Variants in SCD observed in about 807,000 individuals in gnomAD.
The protein encoded by SCD is acyl-CoA desaturase.
Under a neutral mutation model 35.7 loss-of-function variants are expected in SCD, and 4 were observed. The observed-to-expected ratio is 0.11, with a 90% CI of 0.06 to 0.26. SCD has a LOEUF of 0.26. SCD is among the 10% of genes least tolerant of loss of function. The pLI is 1.00. For synonymous variants in SCD, 150 were observed against 170.2 expected (o/e 0.88, Z 0.92); for missense variants, 282 against 460.7 (o/e 0.61, Z 3.55).
At chr10:100,357,660 C>T (rs1030082132) in intron 5 of SCD, among the ~76,000 whole-genome samples, 1 of 151,768 alleles carries the variant, frequency 6.6e-6, no homozygotes, top group Non-Finnish European at 1.5e-5. Flanking sequence ...CTTTTCTTTT[C>T]TTTTCCTTTC....
Position 100,360,747 on chromosome 10 carries a change from C to T in SCD, c.894C>T (p.His298=), listed in dbSNP as rs201498758. The part of the protein sequence containing the change: ...VSLGAVGEGF[H]NYHHSFPYDY... ...CTTTTGTTTCAGGTGAGGGCTTCCA[C>T]AACTACCACCACTCCTTTCCCTATG... The change falls in exon 6 of 6, where the codon CAC becomes CAT. Residue 298 remains histidine (H), a synonymous_variant. Coordinates refer to ENST00000370355, the MANE Select transcript of SCD (RefSeq NM_005063.5). 1.3e-5 allele frequency: 21 copies of T among 1,613,862 alleles called. No individual in the cohort carries two copies. The highest frequency in any genetic ancestry group is 1.7e-5 in the Non-Finnish European group (20 of 1,179,866).
intron 5 of SCD, among the ~76,000 whole-genome samples, chr10:100,358,517 G>A (rs1167552499): frequency 6.6e-6 from 1 of 150,508 alleles, no homozygotes; most frequent in Non-Finnish European, 1.5e-5. Flanking sequence ...GCGTGAACCC[G>A]GGAAGCGGAG....
rs1849990595 is a variant in SCD at position 100,361,591 on chromosome 10, A to G, written c.*658A>G. The G allele has an allele frequency of 6.6e-6, 1 of 152,370 alleles. No homozygotes were observed. Among genetic ancestry groups the G allele is most frequent in the African/African-American group, 2.4e-5 (1 of 41,454 alleles). 9.4% of individuals were successfully genotyped at this position (152,370 alleles called of 1,614,324 possible). ...TAATGAGGACTTCAAGCCCCACCACATAGCATGCTTCCTTTCTCTCCTGGC... is the reference window on the plus strand; with the variant it reads ...TAATGAGGACTTCAAGCCCCACCACGTAGCATGCTTCCTTTCTCTCCTGGC... On this transcript the variant is annotated 3_prime_UTR_variant, in exon 6 of 6. Transcript: ENST00000370355.
At chr10:100,351,251 C>T (rs1445407752) in intron 2 of SCD, among the ~76,000 whole-genome samples, 1 of 152,210 alleles carries the variant, frequency 6.6e-6, no homozygotes, top group East Asian at 1.9e-4. Flanking sequence ...TCTGGCACCT[C>T]CTGAGCCTGC....
chr10:100,358,991 G>C (rs985632599), intron 5 of SCD, among the ~76,000 whole-genome samples: 14 of 151,886 alleles, frequency 9.2e-5, no homozygotes, highest in Admixed American at 6.6e-4. Context: ...CTCTTTTCAG[G>C]CACCTTCTTA....
rs1431287007 is a variant in SCD at position 100,361,127 on chromosome 10, T to G, written c.*194T>G. The stretch of plus-strand genomic sequence containing the variant: ...CTTTATGATGCTAAGCTGATATTAT[T>G]TCTTCTCTTATCCTCTCTCTCTTCT... On this transcript the variant is annotated 3_prime_UTR_variant, in exon 6 of 6. Coordinates refer to ENST00000370355, the MANE Select transcript of SCD (RefSeq NM_005063.5). The G allele has an allele frequency of 3.4e-6, 2 of 590,510 alleles. No homozygotes were observed. The highest frequency in any genetic ancestry group is 6.0e-6 in the Non-Finnish European group (2 of 335,058). The allele number at this position is 590,510 out of a possible 1,614,324, so 36.6% of individuals were successfully genotyped here.
At chr10:100,347,564 G>C in intron 1 of SCD, 33 bp downstream of exon 1, 2 of 1,612,812 alleles carry the variant, frequency 1.2e-6, no homozygotes, top group Non-Finnish European at 1.7e-6. Context: ...GTACCGCCGG[G>C]TCGCAGGCGC....
Position 100,352,102 on chromosome 10 carries a change from A to C in SCD, c.311-264A>C, listed in dbSNP as rs1449846848. Among the ~76,000 whole-genome samples, 1 of 152,126 alleles carries C rather than the reference A, an allele frequency of 6.6e-6. No homozygotes were observed. The highest frequency in any genetic ancestry group is 1.5e-5 in the Non-Finnish European group (1 of 68,032). ...AAGATGAAGAATGAGTGGTAAGAGC[A>C]CTATTCTCTCTCCTGCCTTTCTGAC... On this transcript the variant is annotated intron_variant, in intron 2 of 5. Transcript: ENST00000370355. The surrounding 1 kb of genome is among the most constrained non-coding windows in gnomAD (Gnocchi z 4.2).
Position 100,356,858 on chromosome 10 carries a change from T to A in SCD, c.880+94T>A, listed in dbSNP as rs1849934089. On this transcript the variant is annotated intron_variant, in intron 5 of 5. Coordinates refer to ENST00000370355, the MANE Select transcript of SCD (RefSeq NM_005063.5). The surrounding 1 kb of genome is among the most constrained non-coding windows in gnomAD (Gnocchi z 4.1). ...AAAAACTAGATAAATCTGTTTTTTA[T>A]GGCTACTTTGTATCTCAGTTTTTCC... is the stretch of plus-strand genomic sequence containing the variant. The A allele has an allele frequency of 1.0e-6, 1 of 984,706 alleles. No individual in the cohort carries two copies. Among genetic ancestry groups the A allele is most frequent in the East Asian group, 2.6e-5 (1 of 38,176 alleles). The allele number at this position is 984,706 out of a possible 1,614,324, so 61.0% of individuals were successfully genotyped here.
intron 2 of SCD, among the ~76,000 whole-genome samples, chr10:100,350,365 G>T (rs532976671): frequency 6.6e-6 from 1 of 152,242 alleles, no homozygotes; most frequent in East Asian, 1.9e-4. Flanking sequence ...ATTAGCAACT[G>T]GTCGTGATTC....
At chr10:100,354,314 G>C in intron 3 of SCD, 113 bp from the exon 4 acceptor site, 2 of 879,558 alleles carry the variant, frequency 2.3e-6, no homozygotes, top group Non-Finnish European at 3.6e-6. Flanking sequence ...CAGATTCCTG[G>C]GTATTTTGTG....
At chr10:100,358,524 G>A (rs1484498323) in intron 5 of SCD, among the ~76,000 whole-genome samples, 11 of 146,916 alleles carry the variant, frequency 7.5e-5, no homozygotes, top group African/African-American at 2.3e-4. Flanking sequence ...CCCGGGAAGC[G>A]GAGCTTGCAG....
intron 4 of SCD, 59 bp downstream of exon 4, chr10:100,354,691 C>T (rs1288148848): frequency 7.6e-6 from 10 of 1,316,680 alleles, no homozygotes; most frequent in Admixed American, 3.6e-5. Context: ...ATTAGGGACC[C>T]CATTTTTTCT....
intron 4 of SCD, among the ~76,000 whole-genome samples, chr10:100,355,208 G>A (rs558812733): frequency 6.4e-4 from 97 of 152,326 alleles, no homozygotes; most frequent in African/African-American, 2.2e-3. Context: ...CAAGTATCCA[G>A]ATAACCATGG....
Position 100,347,263 on chromosome 10 carries a change from G to A in SCD, c.-242G>A. ...ACTCCTCGCACTTTGCCCCTGCTTG[G>A]CAGCGGATAAAAGGGGGCTGAGGAA... On this transcript the variant is annotated 5_prime_UTR_variant, in exon 1 of 6. Transcript: ENST00000370355. The A allele has an allele frequency of 1.8e-6, 1 of 570,834 alleles. No homozygotes were observed. The highest frequency in any genetic ancestry group is 3.1e-6 in the Non-Finnish European group (1 of 321,282). The allele number at this position is 570,834 out of a possible 1,614,324, so 35.4% of individuals were successfully genotyped here. A position where few individuals can be genotyped will look rare whatever the true frequency, so the allele number is the denominator to read the frequency against.
In SCD at chr10:100,362,089, A is replaced by T. The variant is rs536990985; in HGVS notation, c.*1156A>T. On this transcript the variant is annotated 3_prime_UTR_variant, in exon 6 of 6. Coordinates refer to ENST00000370355, the MANE Select transcript of SCD (RefSeq NM_005063.5). ...TTCCAAAGAGGGATGTTTGGAAAAA[A>T]CTCTGAAGGAGAGGAGGAATTAGTT... 6.6e-6 allele frequency: 1 copy of T among 152,298 alleles called. No individual in the cohort carries two copies. Among genetic ancestry groups the T allele is most frequent in the African/African-American group, 2.4e-5 (1 of 41,572 alleles). 9.4% of individuals were successfully genotyped at this position (152,298 alleles called of 1,614,324 possible). A position where few individuals can be genotyped will look rare whatever the true frequency, so the allele number is the denominator to read the frequency against.
At chr10:100,358,598 CAAAAAAAAAA>C (rs547927999) in intron 5 of SCD, among the ~76,000 whole-genome samples, 1 of 78,608 alleles carries the variant, frequency 1.3e-5, no homozygotes, top group African/African-American at 5.4e-5. Flanking sequence ...GACTCCGTCT[CAAAAAAAAAA>C]AAAAAAAAAG....
At position 100,360,961 on chromosome 10, in the gene SCD, A is replaced by G. The variant is rs567764269; in HGVS notation, c.*28A>G. 3.9e-5 allele frequency: 62 copies of G among 1,596,452 alleles called. 2 individuals carry two copies. The South Asian group carries it at 6.5e-4, about 17-fold the overall frequency. On this transcript the variant is annotated 3_prime_UTR_variant, in exon 6 of 6. Transcript: ENST00000370355. ...TTGGGGTCCCTCAGGTTCCTTTTTC[A>G]AAAACCAGCCAGGCAGAGGTTTTAA...
Position 100,362,401 on chromosome 10 carries a change from G to T in SCD, c.*1468G>T, listed in dbSNP as rs1444020612. The T allele has an allele frequency of 2.6e-5, 4 of 152,128 alleles. No individual in the cohort carries two copies. Among genetic ancestry groups the T allele is most frequent in the African/African-American group, 9.7e-5 (4 of 41,418 alleles). The allele number at this position is 152,128 out of a possible 1,614,324, so 9.4% of individuals were successfully genotyped here. A position where few individuals can be genotyped will look rare whatever the true frequency, so the allele number is the denominator to read the frequency against. Reference sequence around the variant, plus strand: ...CTCATTTTTTTTTGAGGAGAAGGGGGTCTCTGTTAACATCTAGCCTAAAGT... The same window carrying T: ...CTCATTTTTTTTTGAGGAGAAGGGGTTCTCTGTTAACATCTAGCCTAAAGT... On this transcript the variant is annotated 3_prime_UTR_variant, in exon 6 of 6. Transcript: ENST00000370355.
Sources: allele counts gnomAD v4.1 joint callset (sites outside exome capture counted in the v4.1 genomes callset), GRCh38; gene constraint gnomAD v4.1.1; non-coding constraint Gnocchi (gnomAD v3.1); transcripts MANE v1.5; gene names NCBI Gene and HGNC (gene_info 2026-07-23, HGNC 2026-07-21).